RNF13: variants seen among roughly 807,000 people sequenced by gnomAD.
RNF13 encodes ring finger protein 13, also known as E3 ubiquitin-protein ligase RNF13.
A neutral mutation model predicts 37.7 loss-of-function variants in RNF13; 19 were observed. The observed-to-expected ratio is 0.50, with a 90% confidence interval of 0.35 to 0.74. The LOEUF (loss-of-function observed/expected upper bound fraction) is 0.74, where lower values mean the gene tolerates loss of function less well. RNF13 is among the 30% of genes least tolerant of loss of function. The pLI is 0.01. For missense variants in RNF13, 375 were observed against 453.0 expected, an observed-to-expected ratio of 0.83 and a Z score of 1.56; for synonymous variants, 144 against 157.8, an observed-to-expected ratio of 0.91 and a Z score of 0.65.
At chr3:149,845,924 T>A in intron 1 of RNF13, 87 bp from the exon 2 acceptor site, 1 of 652,858 alleles carries the variant, frequency 1.5e-6, no homozygotes, top group African/African-American at 1.8e-5. Flanking sequence ...AAAGGGATAT[T>A]TTTGGACATT....
intron 1 of RNF13, among the ~76,000 whole-genome samples, chr3:149,834,055 C>A (rs1348045469): frequency 6.6e-6 from 1 of 152,022 alleles, no homozygotes; most frequent in Non-Finnish European, 1.5e-5. Flanking sequence ...ATAAATTAAA[C>A]CAAGGAGGTG....
intron 8 of RNF13, among the ~76,000 whole-genome samples, chr3:149,950,230 G>A (rs1052483937): frequency 6.6e-6 from 1 of 152,068 alleles, no homozygotes; most frequent in Non-Finnish European, 1.5e-5. Context: ...AATATTAACG[G>A]TGGTTGTTTT....
At chr3:149,835,633 T>TTGTGTGTGTCTGTGTGTGTG (rs1553751496) in intron 1 of RNF13, among the ~76,000 whole-genome samples, 2 of 138,746 alleles carry the variant, frequency 1.4e-5, no homozygotes, top group Non-Finnish European at 3.2e-5. Context: ...TAGTATTCCA[T>TTGTGTGTGTCTGTGTGTGTG]TGTGTGTGTG....
At chr3:149,900,499 A>G (rs1382561560) in intron 5 of RNF13, among the ~76,000 whole-genome samples, 1 of 152,102 alleles carries the variant, frequency 6.6e-6, no homozygotes, top group Admixed American at 6.6e-5. Flanking sequence ...ACTTGAGCCC[A>G]GGAGTTACAG....
Position 149,961,272 on chromosome 3 carries a change from G to T in RNF13, c.*168G>T. 1 of 683,904 alleles carries T rather than the reference G, an allele frequency of 1.5e-6. No homozygotes were observed. The highest frequency in any genetic ancestry group is 2.6e-6 in the Non-Finnish European group (1 of 391,212). 42.4% of individuals were successfully genotyped at this position (683,904 alleles called of 1,614,324 possible). A position where few individuals can be genotyped will look rare whatever the true frequency, so the allele number is the denominator to read the frequency against. On this transcript the variant is annotated 3_prime_UTR_variant, in exon 10 of 10. Transcript: ENST00000392894. Reference sequence around the variant, plus strand: ...TTTTGATCTGGTATTTATCTGCCAAGAATATACTTCATTCACTAATAATAG... The same window carrying T: ...TTTTGATCTGGTATTTATCTGCCAATAATATACTTCATTCACTAATAATAG...
intron 8 of RNF13, chr3:149,939,311 A>G (rs1720019668): frequency 4.3e-6 from 2 of 461,226 alleles, no homozygotes; most frequent in Admixed American, 5.4e-5. Flanking sequence ...TTTCATCATC[A>G]TCTTCTGCAT....
Position 149,829,961 on chromosome 3 carries a change from A to C in RNF13, c.-16-16050A>C, listed in dbSNP as rs532433833. On this transcript the variant is annotated intron_variant, in intron 1 of 9. Coordinates refer to ENST00000392894, the MANE Select transcript of RNF13 (RefSeq NM_183381.3). ...TTATAAAAGGGAAGTTCTCCTGCAC[A>C]TGCTCTCTTGCTTGCTGCCATGTAA... is the stretch of plus-strand genomic sequence containing the variant. Among the ~76,000 whole-genome samples, 4 of 151,494 alleles carry C rather than the reference A, an allele frequency of 2.6e-5. No homozygotes were observed. In the East Asian group the frequency reaches 7.8e-4, roughly 29 times the overall value.
At chr3:149,892,267 G>C (rs1057337676) in intron 4 of RNF13, among the ~76,000 whole-genome samples, 2 of 152,174 alleles carry the variant, frequency 1.3e-5, no homozygotes, top group African/African-American at 4.8e-5. Flanking sequence ...GTGCATTTTG[G>C]ATGTGTGAAA....
chr3:149,896,338 T>C (rs1052756663), intron 5 of RNF13, among the ~76,000 whole-genome samples: 2 of 152,186 alleles, frequency 1.3e-5, no homozygotes, highest in Admixed American at 1.3e-4. Context: ...CATAAAGCTA[T>C]AGACTGATAG....
intron 2 of RNF13, 105 bp downstream of exon 2, chr3:149,846,245 C>T (rs193234804): frequency 1.5e-4 from 105 of 683,372 alleles, no homozygotes; most frequent in Middle Eastern, 1.3e-3. Context: ...ACATTTTTAT[C>T]TAAAAACATA....
At chr3:149,847,893 A>G (rs903158541) in intron 2 of RNF13, among the ~76,000 whole-genome samples, 5 of 151,896 alleles carry the variant, frequency 3.3e-5, no homozygotes, top group African/African-American at 7.3e-5. Flanking sequence ...GTGGATTGCT[A>G]TTCTGTGGTG....
intron 3 of RNF13, among the ~76,000 whole-genome samples, chr3:149,854,977 G>A (rs954424038): frequency 6.6e-6 from 1 of 152,104 alleles, no homozygotes; most frequent in African/African-American, 2.4e-5. Context: ...ATGCGTAGTG[G>A]GTTCAGAAAA....
At chr3:149,865,135 C>T (rs1724663578) in intron 3 of RNF13, among the ~76,000 whole-genome samples, 1 of 151,596 alleles carries the variant, frequency 6.6e-6, no homozygotes, top group Admixed American at 6.6e-5. Context: ...AAAAATTAGG[C>T]ATTTGGAGTA....
At chr3:149,856,336 G>C (rs937008377) in intron 3 of RNF13, among the ~76,000 whole-genome samples, 1 of 151,750 alleles carries the variant, frequency 6.6e-6, no homozygotes, top group Non-Finnish European at 1.5e-5. Context: ...AATGAAGTGA[G>C]GTAGCTCACT....
At chr3:149,958,423 G>A (rs1431618293) in intron 8 of RNF13, among the ~76,000 whole-genome samples, 1 of 152,124 alleles carries the variant, frequency 6.6e-6, no homozygotes. Flanking sequence ...TAGCCACATC[G>A]CCCCGACTCT....
intron 1 of RNF13, among the ~76,000 whole-genome samples, chr3:149,844,333 A>G (rs1466010207): frequency 6.6e-6 from 1 of 152,228 alleles, no homozygotes; most frequent in Non-Finnish European, 1.5e-5. Flanking sequence ...GTAAGCGTCT[A>G]AGGGTCCTTT....
intron 1 of RNF13, among the ~76,000 whole-genome samples, chr3:149,816,386 G>C (rs951826815): frequency 1.3e-5 from 2 of 152,096 alleles, no homozygotes; most frequent in Admixed American, 1.3e-4. Flanking sequence ...TTGTGGATTC[G>C]TACTTGCTGG....
At chr3:149,849,641 AT>A (rs1722953797) in intron 2 of RNF13, among the ~76,000 whole-genome samples, 1 of 152,148 alleles carries the variant, frequency 6.6e-6, no homozygotes, top group Non-Finnish European at 1.5e-5. Context: ...CTCGGTTAGA[AT>A]CCTGGTTCTT....
intron 2 of RNF13, chr3:149,851,424 G>C (rs1403195546): frequency 6.6e-6 from 1 of 152,236 alleles, no homozygotes; most frequent in African/African-American, 2.4e-5. Context: ...GACATAAGAG[G>C]CTAGGATAGC....
Sources: gnomAD v4.1 joint callset for allele counts (sites outside exome capture counted in the v4.1 genomes callset) on GRCh38, gnomAD v4.1.1 for gene constraint, MANE v1.5 for transcripts, NCBI Gene and HGNC (gene_info 2026-07-23, HGNC 2026-07-21) for gene names.